Variants in MAPK6 observed in about 807,000 individuals in gnomAD.
MAPK6 encodes mitogen-activated protein kinase 6, also known as ERK-3.
MAPK6 carries 19 observed loss-of-function variants against 59.3 expected under a neutral mutation model. That is an observed-to-expected ratio of 0.32 (90% CI 0.22 to 0.47). MAPK6 has a LOEUF of 0.47. Ranked by LOEUF, MAPK6 falls within the 20% of genes least tolerant of loss-of-function variation. MAPK6 has a pLI of 1.00. For missense variants in MAPK6, 724 were observed against 847.9 expected (o/e 0.85, Z 1.81); for synonymous variants, 316 against 290.3 (o/e 1.09, Z -0.90).
At chr15:52,036,708 G>T (rs867741642) in intron 1 of MAPK6, among the ~76,000 whole-genome samples, 7 of 152,184 alleles carry the variant, frequency 4.6e-5, no homozygotes, top group South Asian at 4.1e-4. Context: ...CCAAATTCTT[G>T]TATGGATCTG....
intron 1 of MAPK6, chr15:52,042,620 T>C (rs572664679): frequency 6.6e-6 from 1 of 152,398 alleles, no homozygotes; most frequent in African/African-American, 2.4e-5. Context: ...CAACTCCTAC[T>C]ATAGTGCTAT....
upstream of MAPK6, among the ~76,000 whole-genome samples, chr15:52,014,486 A>T (rs2030175953): frequency 6.6e-6 from 1 of 152,140 alleles, no homozygotes; most frequent in Non-Finnish European, 1.5e-5. Flanking sequence ...CTGAGGCAGG[A>T]GGATCACTTG....
upstream of MAPK6, among the ~76,000 whole-genome samples, chr15:52,016,070 GCA>G (rs1175427042): frequency 3.6e-3 from 202 of 55,416 alleles, 1 homozygote; most frequent in South Asian, 0.012. Flanking sequence ...GCGCGCGCGC[GCA>G]CACACACACA....
chr15:52,044,926 CTTT>C (rs80337297), intron 1 of MAPK6, among the ~76,000 whole-genome samples: 1 of 130,766 alleles, frequency 7.6e-6, no homozygotes, highest in Non-Finnish European at 1.6e-5. Context: ...TTTTTTTTTC[CTTT>C]TTTTTTTTTT....
intron 2 of MAPK6, among the ~76,000 whole-genome samples, chr15:52,047,995 G>T (rs2031647361): frequency 6.6e-6 from 1 of 152,118 alleles, no homozygotes; most frequent in Non-Finnish European, 1.5e-5. Flanking sequence ...GTTTGGAAAT[G>T]AAATCTTATG....
rs778739025 is a variant in MAPK6, at chr15:52,064,086, A to C, written c.1252A>C (p.Asn418His). ...KYLEDPAFDT[N>H]YSTEPCWQYS... ...TCTGGAGGATCCTGCTTTTGATACCAATTACTCTACTGAGCCTTGTTGGCA... is the reference window on the plus strand; with the variant it reads ...TCTGGAGGATCCTGCTTTTGATACCCATTACTCTACTGAGCCTTGTTGGCA... The change falls in exon 6 of 6, where the codon AAT becomes CAT. Residue 418 changes from asparagine (N) to histidine (H), a missense_variant. Coordinates refer to ENST00000261845, the MANE Select transcript of MAPK6 (RefSeq NM_002748.4). 24 of 1,612,636 alleles carry C rather than the reference A, an allele frequency of 1.5e-5. No individual in the cohort carries two copies. In the South Asian group the frequency reaches 2.6e-4, roughly 18 times the overall value.
chr15:52,030,753 A>C lies in MAPK6; in HGVS notation c.-632+11377A>C, dbSNP rs140328108. Among the ~76,000 whole-genome samples the C allele has an allele frequency of 1.6e-3, 230 of 147,590 alleles. 2 individuals carry two copies. Among genetic ancestry groups the C allele is most frequent in the Non-Finnish European group, 1.2e-3 (83 of 67,310 alleles). On this transcript the variant is annotated intron_variant, in intron 1 of 5. Transcript: ENST00000261845. ...GGGATTCTCCTGCCTCAGCCTCCCG[A>C]GTAGCTGGGACTACAGGCGTGTGCC...
intron 1 of MAPK6, among the ~76,000 whole-genome samples, chr15:52,023,223 C>G (rs546436272): frequency 6.6e-6 from 1 of 152,086 alleles, no homozygotes; most frequent in African/African-American, 2.4e-5. Context: ...CACTGCTATC[C>G]AGTTCTTTGT....
At chr15:52,013,632 A>G (rs2030152818) in intron 3 of MAPK6, among the ~76,000 whole-genome samples, 1 of 152,228 alleles carries the variant, frequency 6.6e-6, no homozygotes, top group African/African-American at 2.4e-5. Flanking sequence ...TAAAGGTACA[A>G]TAACCATCTG....
At chr15:52,044,014 T>TCTGCCTGC (rs1264334495) in intron 1 of MAPK6, among the ~76,000 whole-genome samples, 1 of 152,108 alleles carries the variant, frequency 6.6e-6, no homozygotes, top group African/African-American at 2.4e-5. Flanking sequence ...GACTTCGTGA[T>TCTGCCTGC]CTGCCTGCCT....
chr15:52,047,001 C>T lies in MAPK6; in HGVS notation c.541C>T (p.His181Tyr), dbSNP rs1595997599. The T allele has an allele frequency of 6.4e-7, 1 of 1,568,906 alleles. No individual in the cohort carries two copies. Among genetic ancestry groups the T allele is most frequent in the Non-Finnish European group, 8.6e-7 (1 of 1,159,790 alleles). ...DFGLARIMDP[H>Y]YSHKGHLSEG... ...TGGTCTTGCACGGATCATGGATCCTCATTATTCCCATAAGGTATGTATAGA... is the reference window on the plus strand; with the variant it reads ...TGGTCTTGCACGGATCATGGATCCTTATTATTCCCATAAGGTATGTATAGA... The change falls in exon 2 of 6, where the codon CAT becomes TAT. Residue 181 changes from histidine (H) to tyrosine (Y), a missense_variant. By Grantham distance (83) the His-to-Tyr change is moderately conservative. Coordinates refer to ENST00000261845, the MANE Select transcript of MAPK6 (RefSeq NM_002748.4).
intron 1 of MAPK6, among the ~76,000 whole-genome samples, chr15:52,040,443 T>G (rs1443359506): frequency 6.6e-6 from 1 of 152,196 alleles, no homozygotes; most frequent in Non-Finnish European, 1.5e-5. Flanking sequence ...ATGTCAGCAT[T>G]TATCCTGAGA....
chr15:52,033,355 G>T (rs2031113410), intron 1 of MAPK6, among the ~76,000 whole-genome samples: 1 of 152,142 alleles, frequency 6.6e-6, no homozygotes, highest in Admixed American at 6.5e-5. Context: ...CATCCAATTG[G>T]CTGCCACCGA....
intron 2 of MAPK6, among the ~76,000 whole-genome samples, chr15:52,003,226 A>C (rs1252257551): frequency 6.6e-6 from 1 of 152,050 alleles, no homozygotes; most frequent in African/African-American, 2.4e-5. Context: ...AAACACGATC[A>C]GATCTCGTGA....
At chr15:51,997,110 G>A (rs920289581) in intron 2 of MAPK6, among the ~76,000 whole-genome samples, 44 of 151,880 alleles carry the variant, frequency 2.9e-4, no homozygotes, top group African/African-American at 1.1e-3. Flanking sequence ...CTCCTGAGTA[G>A]CTGGGATTAC....
At chr15:52,014,605 T>G (rs1309186119), upstream of MAPK6, among the ~76,000 whole-genome samples, 1 of 150,734 alleles carries the variant, frequency 6.6e-6, no homozygotes. Context: ...TACTCAGGGA[T>G]CTGAGGCAAG....
intron 1 of MAPK6, among the ~76,000 whole-genome samples, chr15:52,029,145 A>G (rs141978249): frequency 0.031 from 4,792 of 152,132 alleles, 183 homozygotes; most frequent in African/African-American, 0.087. Flanking sequence ...TCAAGTGATT[A>G]TCCTGCCTCA....
intron 3 of MAPK6, among the ~76,000 whole-genome samples, chr15:52,005,482 G>A (rs1043724137): frequency 2.0e-5 from 3 of 151,426 alleles, no homozygotes; most frequent in East Asian, 1.9e-4. Flanking sequence ...AGCCAAGATC[G>A]CACCACTGCA....
chr15:52,042,514 T>C (rs975338889), intron 1 of MAPK6, among the ~76,000 whole-genome samples: 2 of 151,948 alleles, frequency 1.3e-5, no homozygotes, highest in Non-Finnish European at 2.9e-5. Flanking sequence ...GTTTCTAGTT[T>C]GTGAGGCTTG....
Sources: allele counts gnomAD v4.1 joint callset (sites outside exome capture counted in the v4.1 genomes callset), GRCh38; gene constraint gnomAD v4.1.1; transcripts MANE v1.5; gene names NCBI Gene and HGNC (gene_info 2026-07-23, HGNC 2026-07-21).